CADPS2: variants seen among roughly 807,000 people sequenced by gnomAD.
CADPS2 encodes calcium-dependent secretion activator 2.
In CADPS2, 93 loss-of-function variants were observed where a neutral mutation model predicts 172.5. The observed-to-expected ratio is 0.54, with a 90% CI of 0.46 to 0.64. The LOEUF is 0.64. Among genes scored for constraint, CADPS2 ranks in the 30% least tolerant of loss-of-function variants. The pLI is 0.00. For synonymous variants in CADPS2, 546 were observed against 555.2 expected (o/e 0.98, Z 0.23); for missense variants, 1,420 against 1,565.9 (o/e 0.91, Z 1.57).
At chr7:122,474,553 T>A in intron 12 of CADPS2, 36 bp from the exon 13 acceptor site, 1 of 1,589,950 alleles carries the variant, frequency 6.3e-7, no homozygotes, top group African/African-American at 1.3e-5. Context: ...GTATATTTAC[T>A]TTTCAGGCTT....
Position 122,554,551 on chromosome 7 carries a change from C to T in CADPS2, c.1474G>A (p.Gly492Arg). 1 of 1,589,926 alleles carries T rather than the reference C, an allele frequency of 6.3e-7. No individual in the cohort carries two copies. The highest frequency in any genetic ancestry group is 8.5e-7 in the Non-Finnish European group (1 of 1,171,502). ...MDKPAHMKHS[G>R]YLYALGQKVW... ...AAAAATCCTCAAATTTATACTCACC[C>T]ACTATGCTTCATATGTGCTGGTTTA... The change falls in exon 8 of 30, where the codon GGA (glycine) becomes AGA (arginine). Residue 492 changes from glycine (G) to arginine (R), a missense_variant and splice_region_variant. Physicochemically the swap from Gly to Arg is moderately radical, Grantham distance 125. Coordinates refer to ENST00000449022, the MANE Select transcript of CADPS2 (RefSeq NM_017954.11).
intron 1 of CADPS2, among the ~76,000 whole-genome samples, chr7:122,880,114 T>C (rs903747547): frequency 6.6e-6 from 1 of 152,148 alleles, no homozygotes; most frequent in East Asian, 1.9e-4. Flanking sequence ...CCACTAACGG[T>C]TTTGTAGGAC....
intron 14 of CADPS2, among the ~76,000 whole-genome samples, chr7:122,468,204 G>A (rs2055416121): frequency 6.6e-6 from 1 of 152,196 alleles, no homozygotes; most frequent in African/African-American, 2.4e-5. Flanking sequence ...ATTTATGACA[G>A]AGGTAGTTCA....
chr7:122,830,740 G>A (rs1806292739), intron 1 of CADPS2, among the ~76,000 whole-genome samples: 1 of 152,058 alleles, frequency 6.6e-6, no homozygotes, highest in African/African-American at 2.4e-5. Flanking sequence ...ATTAAAAGAA[G>A]GTTTAAGATA....
chr7:122,458,048 A>C (rs1000165515), intron 14 of CADPS2, among the ~76,000 whole-genome samples: 9 of 152,102 alleles, frequency 5.9e-5, no homozygotes, highest in African/African-American at 2.2e-4. Context: ...GCAAATGACA[A>C]AGTTCATGGT....
intron 1 of CADPS2, among the ~76,000 whole-genome samples, chr7:122,821,533 T>C (rs999907920): frequency 7.9e-5 from 12 of 152,140 alleles, no homozygotes; most frequent in African/African-American, 2.7e-4. Context: ...TCTAGGTAGA[T>C]ACTTTCACTG....
intron 8 of CADPS2, among the ~76,000 whole-genome samples, chr7:122,528,714 T>C (rs2061492191): frequency 6.6e-6 from 1 of 152,124 alleles, no homozygotes; most frequent in Admixed American, 6.6e-5. Context: ...CACATAAAAA[T>C]GAAACCAAGA....
At chr7:122,776,041 G>A (rs2093872429) in intron 1 of CADPS2, among the ~76,000 whole-genome samples, 1 of 151,992 alleles carries the variant, frequency 6.6e-6, no homozygotes. Flanking sequence ...CAAAAAGGAG[G>A]GTTTTTTAAA....
chr7:122,622,757 A>C (rs901502757), intron 4 of CADPS2, among the ~76,000 whole-genome samples: 6 of 152,330 alleles, frequency 3.9e-5, no homozygotes, highest in African/African-American at 1.4e-4. Flanking sequence ...GCCATCTTTC[A>C]AATGGCTGCT....
At chr7:122,374,634 C>G (rs1184812665) in intron 25 of CADPS2, among the ~76,000 whole-genome samples, 1 of 151,880 alleles carries the variant, frequency 6.6e-6, no homozygotes, top group East Asian at 1.9e-4. Flanking sequence ...GATCAGAAAA[C>G]CAAACACCGC....
intron 1 of CADPS2, among the ~76,000 whole-genome samples, chr7:122,757,237 A>T (rs1037204542): frequency 6.6e-6 from 1 of 152,050 alleles, no homozygotes; most frequent in Non-Finnish European, 1.5e-5. Flanking sequence ...GCTTCTACCT[A>T]CCTGGCTCAA....
chr7:122,798,092 T>C (rs544308032), intron 1 of CADPS2, among the ~76,000 whole-genome samples: 1 of 152,086 alleles, frequency 6.6e-6, no homozygotes, highest in Non-Finnish European at 1.5e-5. Context: ...AGTTTTCCAA[T>C]GCAGTTGTTG....
intron 2 of CADPS2, among the ~76,000 whole-genome samples, chr7:122,718,572 A>G (rs2089977546): frequency 6.6e-6 from 1 of 152,158 alleles, no homozygotes; most frequent in African/African-American, 2.4e-5. Context: ...TTCAGTACCC[A>G]CAGGTTTTTC....
intron 14 of CADPS2, among the ~76,000 whole-genome samples, chr7:122,471,064 T>C (rs934011299): frequency 2.6e-5 from 4 of 152,174 alleles, no homozygotes; most frequent in African/African-American, 7.2e-5. Context: ...ATAGGAATCA[T>C]AGGGATACTT....
At chr7:122,552,165 A>G (rs1209325271) in intron 8 of CADPS2, among the ~76,000 whole-genome samples, 2 of 152,302 alleles carry the variant, frequency 1.3e-5, no homozygotes, top group African/African-American at 2.4e-5. Context: ...TATTAGTATT[A>G]AAATATTTTA....
At chr7:122,349,698 C>CT (rs1350513090) in intron 27 of CADPS2, among the ~76,000 whole-genome samples, 1 of 152,162 alleles carries the variant, frequency 6.6e-6, no homozygotes, top group African/African-American at 2.4e-5. Context: ...GACTCCAGCA[C>CT]TTTTTTCCCA....
intron 8 of CADPS2, among the ~76,000 whole-genome samples, chr7:122,518,232 A>C (rs2130950058): frequency 6.6e-6 from 1 of 152,168 alleles, no homozygotes; most frequent in African/African-American, 2.4e-5. Context: ...GACCTCAAAT[A>C]GTTAGAAAAT....
At chr7:122,707,965 A>G (rs912193682) in intron 2 of CADPS2, among the ~76,000 whole-genome samples, 2 of 151,724 alleles carry the variant, frequency 1.3e-5, no homozygotes, top group African/African-American at 4.8e-5. Context: ...TTTTAAGTAA[A>G]TTTTGTTGTG....
chr7:122,620,660 G>C (rs1439077525), intron 5 of CADPS2, among the ~76,000 whole-genome samples: 1 of 152,098 alleles, frequency 6.6e-6, no homozygotes, highest in Non-Finnish European at 1.5e-5. Context: ...TACAGTGCCT[G>C]TAATAAAACT....
Sources: allele counts gnomAD v4.1 joint callset (sites outside exome capture counted in the v4.1 genomes callset), GRCh38; gene constraint gnomAD v4.1.1; transcripts MANE v1.5; gene names NCBI Gene and HGNC (gene_info 2026-07-23, HGNC 2026-07-21).